ADAM10: variants seen among roughly 807,000 people sequenced by gnomAD.
ADAM10 encodes disintegrin and metalloproteinase domain-containing protein 10.
Under a neutral mutation model 90.1 loss-of-function variants are expected in ADAM10, and 17 were observed. The observed-to-expected ratio is 0.19, with a 90% CI of 0.13 to 0.28. ADAM10 has a LOEUF of 0.28. Ranked by LOEUF, ADAM10 falls within the 10% of genes least tolerant of loss-of-function variation. The probability of loss-of-function intolerance (pLI) is 1.00; values close to 1 mark genes in which losing one functional copy is unlikely to be tolerated. For synonymous variants in ADAM10, 310 were observed against 298.6 expected (o/e 1.04, Z -0.40); for missense variants, 610 against 914.3 (o/e 0.67, Z 4.29).
rs1182250085 is a variant in ADAM10, at chr15:58,591,783, C to T, written c.*5764G>A. The T allele has an allele frequency of 1.3e-5, 2 of 152,194 alleles. No homozygotes were observed. Among genetic ancestry groups the T allele is most frequent in the Non-Finnish European group, 2.9e-5 (2 of 68,028 alleles). The allele number at this position is 152,194 out of a possible 1,614,324, so 9.4% of individuals were successfully genotyped here. Reference sequence around the variant, plus strand: ...TTTTTAAGTGTTTCAATTTGCATCTCTAAAAGGGGTCCTTTAAAAAATGTA... The same window carrying T: ...TTTTTAAGTGTTTCAATTTGCATCTTTAAAAGGGGTCCTTTAAAAAATGTA... On this transcript the variant is annotated 3_prime_UTR_variant, in exon 16 of 16. Transcript: ENST00000260408.
chr15:58,634,878 C>A (rs1302262664), intron 8 of ADAM10, among the ~76,000 whole-genome samples: 1 of 152,106 alleles, frequency 6.6e-6, no homozygotes, highest in East Asian at 1.9e-4. Context: ...AAAAACAAGT[C>A]TAGTATTTAG....
At chr15:58,686,815 T>C (rs1897616533) in intron 2 of ADAM10, among the ~76,000 whole-genome samples, 1 of 152,168 alleles carries the variant, frequency 6.6e-6, no homozygotes, top group South Asian at 2.1e-4. Context: ...GGAATAGAGT[T>C]TTAAATAGTA....
chr15:58,671,778 T>G (rs1897199181), intron 4 of ADAM10, among the ~76,000 whole-genome samples: 1 of 152,182 alleles, frequency 6.6e-6, no homozygotes. Context: ...TAAATATGGC[T>G]CACCTTCAAA....
chr15:58,640,808 T>C lies in ADAM10; in HGVS notation c.981A>G (p.Val327=). ...GTGCTCCAACCCAAGCCAGACCAAG[T>C]ACGCCATCATCAAAATCTCGGTCTG... ...VFTDRDFDDG[V]LGLAWVGAPS... Residue 327 remains valine (V), a synonymous_variant, in exon 8 of 16, where the codon GTA becomes GTG. Transcript: ENST00000260408. 2 of 1,614,134 alleles carry C rather than the reference T, an allele frequency of 1.2e-6. No individual in the cohort carries two copies. Among genetic ancestry groups the C allele is most frequent in the Non-Finnish European group, 1.7e-6 (2 of 1,180,002 alleles).
At chr15:58,649,195 C>A (rs1244235214) in intron 5 of ADAM10, among the ~76,000 whole-genome samples, 2 of 151,990 alleles carry the variant, frequency 1.3e-5, no homozygotes, top group Admixed American at 1.3e-4. Context: ...TCCCTTCCCC[C>A]ATTAGCTTGT....
chr15:58,711,685 C>A (rs1223571493), intron 2 of ADAM10, among the ~76,000 whole-genome samples: 2 of 151,914 alleles, frequency 1.3e-5, no homozygotes, highest in African/African-American at 4.8e-5. Context: ...GATGCCTACC[C>A]CAAAGTACAT....
At chr15:58,736,996 G>GC (rs1427339715) in intron 1 of ADAM10, among the ~76,000 whole-genome samples, 1 of 152,000 alleles carries the variant, frequency 6.6e-6, no homozygotes, top group East Asian at 1.9e-4. Context: ...AAAATCACAT[G>GC]CAAGAGTGGC....
chr15:58,591,205 G>A lies in ADAM10; in HGVS notation c.*6342C>T, dbSNP rs755762545. 1 of 152,102 alleles carries A rather than the reference G, an allele frequency of 6.6e-6. No individual in the cohort carries two copies. Among genetic ancestry groups the A allele is most frequent in the Non-Finnish European group, 1.5e-5 (1 of 68,020 alleles). 9.4% of individuals were successfully genotyped at this position (152,102 alleles called of 1,614,324 possible). A position where few individuals can be genotyped will look rare whatever the true frequency, so the allele number is the denominator to read the frequency against. ...CAATGGCCTGCTTGCTAAGATTGCT[G>A]GATGACTGATAGCTTCAAGAGTTCA... On this transcript the variant is annotated 3_prime_UTR_variant, in exon 16 of 16. Transcript: ENST00000260408.
At chr15:58,602,277 C>T (rs1434286235) in intron 14 of ADAM10, among the ~76,000 whole-genome samples, 1 of 152,190 alleles carries the variant, frequency 6.6e-6, no homozygotes, top group Non-Finnish European at 1.5e-5. Context: ...CTACCCCAGC[C>T]TTGGAACCTG....
At chr15:58,714,292 T>TATAC in intron 2 of ADAM10, among the ~76,000 whole-genome samples, 2 of 143,020 alleles carry the variant, frequency 1.4e-5, no homozygotes, top group East Asian at 4.1e-4. Flanking sequence ...TACATACACA[T>TATAC]ACACACACAC....
intron 1 of ADAM10, among the ~76,000 whole-genome samples, chr15:58,741,218 G>T (rs1899602503): frequency 6.6e-6 from 1 of 152,118 alleles, no homozygotes; most frequent in Non-Finnish European, 1.5e-5. Context: ...AAAATGCAAA[G>T]ATCGCATTAT....
In ADAM10 at chr15:58,734,912, A is replaced by C. The variant is rs115210054; in HGVS notation, c.55+14568T>G. On this transcript the variant is annotated intron_variant, in intron 1 of 15. Transcript: ENST00000260408. The stretch of plus-strand genomic sequence containing the variant: ...CTAGTGATTGAAATGGGCATGGTTT[A>C]CTCCACAGGAGCCCTGACTAATCTT... Among the ~76,000 whole-genome samples the C allele has an allele frequency of 6.5e-3, 983 of 152,198 alleles. 18 individuals carry two copies. The highest frequency in any genetic ancestry group is 0.023 in the African/African-American group (937 of 41,518).
chr15:58,646,874 G>A (rs1488032360), intron 5 of ADAM10, among the ~76,000 whole-genome samples: 8 of 152,120 alleles, frequency 5.3e-5, no homozygotes, highest in Non-Finnish European at 1.2e-4. Flanking sequence ...TTCACAAAGA[G>A]ACCCTACATT....
rs1168770771 is a variant in ADAM10 at position 58,589,717 on chromosome 15, A to T, written c.*7830T>A. On this transcript the variant is annotated 3_prime_UTR_variant, in exon 16 of 16. Transcript: ENST00000260408. ...ATTGTAATATGGTGTGTGCTATGAG[A>T]GAAAGATGTATAAAATTCCAGGGCA... 6.6e-6 allele frequency: 1 copy of T among 152,210 alleles called. No homozygotes were observed. The highest frequency in any genetic ancestry group is 1.5e-5 in the Non-Finnish European group (1 of 68,046). The allele number at this position is 152,210 out of a possible 1,614,324, so 9.4% of individuals were successfully genotyped here.
chr15:58,603,359 A>T (rs1247064200), intron 14 of ADAM10, among the ~76,000 whole-genome samples: 1 of 152,140 alleles, frequency 6.6e-6, no homozygotes, highest in Non-Finnish European at 1.5e-5. Context: ...CCAACCATCA[A>T]ATGCCAGTAG....
chr15:58,726,594 T>TAAAAAAA (rs1899038694), intron 1 of ADAM10, among the ~76,000 whole-genome samples: 7 of 61,468 alleles, frequency 1.1e-4, no homozygotes, highest in South Asian at 5.4e-4. Context: ...AAAAAAAAAG[T>TAAAAAAA]ATATTACTCC....
intron 8 of ADAM10, among the ~76,000 whole-genome samples, chr15:58,634,094 T>C (rs1220392431): frequency 6.6e-6 from 1 of 152,000 alleles, no homozygotes; most frequent in East Asian, 1.9e-4. Context: ...GCAGATCACT[T>C]GAGGTCAGGA....
chr15:58,621,973 GA>G (rs111854220), intron 10 of ADAM10, among the ~76,000 whole-genome samples: 48 of 144,590 alleles, frequency 3.3e-4, no homozygotes, highest in Non-Finnish European at 4.3e-4. Context: ...CACTAACCAG[GA>G]AAAAAAAAAA....
chr15:58,599,614 A>C lies in ADAM10; in HGVS notation c.2136T>G (p.Pro712=). ...TATTCTTACCTGGAAGTGGTTTAGG[A>C]GGAGGCAACTTTGGATTACTACTTG... ...HTPSSNPKLP[P]PKPLPGTLKR... The change falls in exon 15 of 16, where the codon CCT becomes CCG. Residue 712 remains proline, a synonymous_variant. Coordinates refer to ENST00000260408, the MANE Select transcript of ADAM10 (RefSeq NM_001110.4). 6.2e-7 allele frequency: 1 copy of C among 1,613,546 alleles called. No homozygotes were observed. Among genetic ancestry groups the C allele is most frequent in the South Asian group, 1.1e-5 (1 of 91,076 alleles).
Sources: gnomAD v4.1 joint callset for allele counts (sites outside exome capture counted in the v4.1 genomes callset) on GRCh38, gnomAD v4.1.1 for gene constraint, MANE v1.5 for transcripts, NCBI Gene and HGNC (gene_info 2026-07-23, HGNC 2026-07-21) for gene names.